Variants in CALM2 observed in about 807,000 individuals in gnomAD.
CALM2 encodes the protein calmodulin-2.
CALM2 carries 2 observed loss-of-function variants against 19.8 expected under a neutral mutation model. The observed-to-expected ratio is 0.10, with a 90% CI of 0.04 to 0.32. The LOEUF (loss-of-function observed/expected upper bound fraction) is 0.32, where lower values mean the gene tolerates loss of function less well. Ranked by LOEUF, CALM2 falls within the 10% of genes least tolerant of loss-of-function variation. The pLI is 1.00. For missense variants in CALM2, 38 were observed against 178.7 expected, an observed-to-expected ratio of 0.21 and a Z score of 4.49; for synonymous variants, 51 against 52.1, an observed-to-expected ratio of 0.98 and a Z score of 0.09.
chr2:47,163,228 C>A (rs1687210168), intron 2 of CALM2: 2 of 152,498 alleles, frequency 1.3e-5, no homozygotes, highest in Non-Finnish European at 2.9e-5. Flanking sequence ...AGGCTACTTT[C>A]CCTTTCTAGT....
intron 2 of CALM2, among the ~76,000 whole-genome samples, chr2:47,167,071 C>T (rs953915097): frequency 1.3e-5 from 2 of 152,110 alleles, no homozygotes; most frequent in Admixed American, 6.5e-5. Flanking sequence ...CAAAACAAAT[C>T]AAATGACTGT....
At chr2:47,172,820 G>C (rs74966234) in intron 1 of CALM2, 10 of 45,898 alleles carry the variant, frequency 2.2e-4, no homozygotes, top group South Asian at 2.4e-3. Flanking sequence ...GGGGGGGGGG[G>C]GGGTGGGAAA....
At chr2:47,176,527 C>A (rs776202783), upstream of CALM2, 3 of 1,587,922 alleles carry the variant, frequency 1.9e-6, no homozygotes, top group Non-Finnish European at 2.6e-6. Context: ...GCCTCCTCCG[C>A]CCCCAGCGCC....
chr2:47,166,236 G>A lies in CALM2; in HGVS notation c.35-3574C>T, dbSNP rs531819290. On this transcript the variant is annotated intron_variant, in intron 2 of 5. Coordinates refer to ENST00000272298, the MANE Select transcript of CALM2 (RefSeq NM_001743.6). Reference sequence around the variant, plus strand: ...CTAGAAATACATATATTGGAGTTCAGACACATTGCACCTTTCACCTAATTT... The same window carrying A: ...CTAGAAATACATATATTGGAGTTCAAACACATTGCACCTTTCACCTAATTT... Among the ~76,000 whole-genome samples, 24 of 152,288 alleles carry A rather than the reference G, an allele frequency of 1.6e-4. No individual in the cohort carries two copies. The South Asian group carries it at 4.8e-3, about 30-fold the overall frequency.
chr2:47,176,638 A>G, upstream of CALM2: 2 of 1,489,910 alleles, frequency 1.3e-6, no homozygotes, highest in African/African-American at 1.4e-5. Flanking sequence ...TCTTCTCGGG[A>G]CCCCTTTCTT....
At chr2:47,176,696 C>A, upstream of CALM2, 1 of 1,414,078 alleles carries the variant, frequency 7.1e-7, no homozygotes, top group East Asian at 2.6e-5. Flanking sequence ...AGTGGGCGAA[C>A]GGATGACGTA....
chr2:47,174,540 AT>A (rs938022731), intron 1 of CALM2, among the ~76,000 whole-genome samples: 23 of 150,240 alleles, frequency 1.5e-4, no homozygotes, highest in Admixed American at 6.7e-4. Context: ...TTTTATTAAG[AT>A]TTTTTTTTTC....
At chr2:47,163,535 C>G (rs376463114) in intron 2 of CALM2, 43 of 152,086 alleles carry the variant, frequency 2.8e-4, no homozygotes, top group African/African-American at 1.0e-3. Flanking sequence ...CAGGATCAAG[C>G]AATTCTCCTG....
intron 1 of CALM2, chr2:47,172,815 G>T (rs1158486694): frequency 1.1e-4 from 9 of 81,942 alleles, no homozygotes; most frequent in South Asian, 6.2e-4. Flanking sequence ...GTTGGGGGGG[G>T]GGGGGGGGTG....
chr2:47,176,385 C>A, intron 1 of CALM2, 56 bp downstream of exon 1: 3 of 1,603,128 alleles, frequency 1.9e-6, no homozygotes, highest in South Asian at 1.1e-5. Context: ...TTAGTCAGTT[C>A]GCTCCAGTCT....
In CALM2 at chr2:47,162,636, C is replaced by CA; in HGVS notation, c.60dup (p.Asp21Ter). ...GTTATAGTTCCATCACCATCTTTGT[C>CA]AAATAGTGAAAAAGCTTCTTTGAAT... On this transcript the variant is annotated frameshift_variant, in exon 3 of 6. Coordinates refer to ENST00000272298, the MANE Select transcript of CALM2 (RefSeq NM_001743.6). LOFTEE classifies it high-confidence loss of function. The CA allele has an allele frequency of 6.2e-7, 1 of 1,603,218 alleles. No individual in the cohort carries two copies. Among genetic ancestry groups the CA allele is most frequent in the Non-Finnish European group, 8.5e-7 (1 of 1,175,240 alleles).
chr2:47,171,549 C>T (rs1309789754), intron 1 of CALM2: 1 of 152,178 alleles, frequency 6.6e-6, no homozygotes, highest in Non-Finnish European at 1.5e-5. Flanking sequence ...AGGTGTCAGA[C>T]ATACCCAGTA....
At chr2:47,171,947 A>G (rs1013362394) in intron 1 of CALM2, 5 of 150,988 alleles carry the variant, frequency 3.3e-5, no homozygotes, top group African/African-American at 9.8e-5. Context: ...CCTGCTCAAC[A>G]ATTTTTGTTT....
chr2:47,176,565 C>T (rs1324883679), upstream of CALM2: 2 of 1,553,194 alleles, frequency 1.3e-6, no homozygotes, highest in Non-Finnish European at 1.7e-6. Flanking sequence ...CGCCAGATCC[C>T]TCCGCCGCAT....
Position 47,162,502 on chromosome 2 carries a change from CA to C in CALM2, c.178+16del, listed in dbSNP as rs1558694931. ...ACTTCTTCAACCCCTCCCAGCCCCA[CA>C]AAATTGAAGACTTACCATCAGCATC... On this transcript the variant is annotated intron_variant, in intron 3 of 5. Transcript: ENST00000272298. 1 of 1,614,092 alleles carries C rather than the reference CA, an allele frequency of 6.2e-7. No individual in the cohort carries two copies. Among genetic ancestry groups the C allele is most frequent in the African/African-American group, 1.3e-5 (1 of 75,050 alleles).
intron 4 of CALM2, 94 bp from the exon 5 acceptor site, chr2:47,161,952 G>A (rs1192622960): frequency 3.1e-5 from 32 of 1,039,876 alleles, no homozygotes; most frequent in Non-Finnish European, 4.2e-5. Context: ...TTCACATTGG[G>A]GGAAAAACAT....
chr2:47,176,902 G>A, upstream of CALM2: 1 of 985,396 alleles, frequency 1.0e-6, no homozygotes, highest in Non-Finnish European at 1.2e-6. Context: ...TGCGGCTTCT[G>A]CCGTTGCTGC....
At chr2:47,174,075 T>C (rs1373228677) in intron 1 of CALM2, 1 of 152,166 alleles carries the variant, frequency 6.6e-6, no homozygotes, top group Non-Finnish European at 1.5e-5. Context: ...TAGACTCAAG[T>C]GACAAAAATT....
chr2:47,174,752 TA>T (rs201317996), intron 1 of CALM2, among the ~76,000 whole-genome samples: 15 of 148,376 alleles, frequency 1.0e-4, no homozygotes, highest in African/African-American at 1.5e-4. Context: ...TTCGTTTATT[TA>T]AAAAAAAAAG....
Sources: allele counts gnomAD v4.1 joint callset (sites outside exome capture counted in the v4.1 genomes callset), GRCh38; gene constraint gnomAD v4.1.1; transcripts MANE v1.5; gene names NCBI Gene and HGNC (gene_info 2026-07-23, HGNC 2026-07-21).